DIP2B: variants seen among roughly 807,000 people sequenced by gnomAD.
DIP2B encodes the protein DIP2 acetate--CoA ligase B (putative).
Under a neutral mutation model 198.0 loss-of-function variants are expected in DIP2B, and 76 were observed. The ratio of observed to expected loss-of-function variants is 0.38; its 90% CI spans 0.32 to 0.46. DIP2B has a LOEUF of 0.46. DIP2B is among the 20% of genes least tolerant of loss of function. DIP2B has a pLI of 0.99. For missense variants in DIP2B, 1,559 were observed against 1,978.4 expected, an observed-to-expected ratio of 0.79 and a Z score of 4.02; for synonymous variants, 701 against 739.1, an observed-to-expected ratio of 0.95 and a Z score of 0.84.
intron 21 of DIP2B, among the ~76,000 whole-genome samples, chr12:50,707,024 A>T (rs780754116): frequency 5.3e-5 from 8 of 152,232 alleles, no homozygotes; most frequent in Non-Finnish European, 8.8e-5. Context: ...ACTGATATAG[A>T]TGCTACTCTG....
At chr12:50,627,129 T>C (rs1377680157) in intron 2 of DIP2B, among the ~76,000 whole-genome samples, 1 of 152,204 alleles carries the variant, frequency 6.6e-6, no homozygotes, top group Non-Finnish European at 1.5e-5. Context: ...AGGCATGACC[T>C]AGGGGTTGAG....
chr12:50,530,904 G>A (rs139227920), intron 1 of DIP2B, among the ~76,000 whole-genome samples: 223 of 152,252 alleles, frequency 1.5e-3, no homozygotes, highest in Non-Finnish European at 2.7e-3. Context: ...TTGGGGACAT[G>A]CAAATGGAGA....
chr12:50,741,366 T>C (rs990522642), intron 36 of DIP2B, 50 bp from the exon 37 acceptor site: 5 of 1,593,866 alleles, frequency 3.1e-6, no homozygotes, highest in Non-Finnish European at 3.4e-6. Context: ...AGTGTTATGT[T>C]GCACTCAGTA....
chr12:50,610,055 C>G (rs554880835), intron 1 of DIP2B, among the ~76,000 whole-genome samples: 6 of 152,268 alleles, frequency 3.9e-5, no homozygotes, highest in Admixed American at 2.0e-4. Context: ...AGCTATAACA[C>G]CTAAATATAA....
rs377697023 is a variant in DIP2B, at chr12:50,735,061, G to A, written c.4044-12G>A. The A allele has an allele frequency of 5.8e-4, 931 of 1,614,080 alleles. 10 individuals are homozygous for A. The South Asian group carries it at 9.1e-3, about 16-fold the overall frequency. ...AAAAGCCCTATATATAGTAAATACC[G>A]TTCTTCTGCAGGGTTCGTCTCGTGG... On this transcript the variant is annotated splice_polypyrimidine_tract_variant and intron_variant, in intron 33 of 37. Transcript: ENST00000301180.
At chr12:50,740,040 C>T (rs11169538) in intron 36 of DIP2B, among the ~76,000 whole-genome samples, 42,980 of 152,134 alleles carry the variant, frequency 0.28, 6,448 homozygotes, top group East Asian at 0.41. Flanking sequence ...TGGACACAGC[C>T]TGCTTCCTGG....
At chr12:50,561,673 T>C (rs899550994) in intron 1 of DIP2B, among the ~76,000 whole-genome samples, 1 of 152,218 alleles carries the variant, frequency 6.6e-6, no homozygotes, top group African/African-American at 2.4e-5. Flanking sequence ...AGTGGCATGA[T>C]CTCTGCTTAC....
intron 22 of DIP2B, among the ~76,000 whole-genome samples, chr12:50,713,929 G>C (rs1939664922): frequency 6.6e-6 from 1 of 151,996 alleles, no homozygotes; most frequent in Non-Finnish European, 1.5e-5. Flanking sequence ...TTAAAAAAAA[G>C]AAAAGAAAAA....
chr12:50,559,745 A>ACAC (rs1555184070), intron 1 of DIP2B, among the ~76,000 whole-genome samples: 3 of 150,984 alleles, frequency 2.0e-5, no homozygotes, highest in Admixed American at 1.3e-4. Flanking sequence ...ACACACACAC[A>ACAC]ATTTCTAGTA....
chr12:50,694,496 G>GATAA (rs1467096007), intron 14 of DIP2B, among the ~76,000 whole-genome samples: 3 of 141,192 alleles, frequency 2.1e-5, no homozygotes, highest in Non-Finnish European at 4.5e-5. Flanking sequence ...CTCTGTCTCA[G>GATAA]ATAAATAAAT....
At chr12:50,636,691 C>T (rs934189302) in intron 2 of DIP2B, among the ~76,000 whole-genome samples, 2 of 152,190 alleles carry the variant, frequency 1.3e-5, no homozygotes, top group Non-Finnish European at 2.9e-5. Flanking sequence ...GAGCCTGTTC[C>T]CTGCATCGGC....
At chr12:50,702,491 G>A (rs1939436639) in intron 19 of DIP2B, among the ~76,000 whole-genome samples, 1 of 152,012 alleles carries the variant, frequency 6.6e-6, no homozygotes, top group South Asian at 2.1e-4. Flanking sequence ...GAACCCGGGA[G>A]GCGGAGGTTG....
intron 29 of DIP2B, among the ~76,000 whole-genome samples, chr12:50,728,178 C>T (rs978109030): frequency 6.6e-6 from 1 of 152,094 alleles, no homozygotes; most frequent in African/African-American, 2.4e-5. Context: ...GTCAGGAGTT[C>T]GAGACCAGCC....
At chr12:50,647,274 T>TC (rs1057313158) in intron 3 of DIP2B, among the ~76,000 whole-genome samples, 11 of 151,508 alleles carry the variant, frequency 7.3e-5, no homozygotes, top group East Asian at 1.9e-4. Flanking sequence ...GGAGTTTTTC[T>TC]CCCCCCCGCC....
At chr12:50,524,681 G>C (rs1291529463) in intron 1 of DIP2B, among the ~76,000 whole-genome samples, 1 of 152,188 alleles carries the variant, frequency 6.6e-6, no homozygotes, top group African/African-American at 2.4e-5. Context: ...TCCCCTTAGG[G>C]GGCTTACATC....
At chr12:50,543,389 A>T (rs1312986448) in intron 1 of DIP2B, among the ~76,000 whole-genome samples, 1 of 151,986 alleles carries the variant, frequency 6.6e-6, no homozygotes, top group East Asian at 2.0e-4. Flanking sequence ...CCCCAGGTTC[A>T]AGCAATTCTC....
intron 3 of DIP2B, among the ~76,000 whole-genome samples, chr12:50,641,846 A>G (rs1159530488): frequency 6.6e-6 from 1 of 152,226 alleles, no homozygotes; most frequent in East Asian, 1.9e-4. Context: ...TAGTCTCTGC[A>G]GCACATTTCT....
intron 3 of DIP2B, chr12:50,657,044 G>A (rs1938566183): frequency 6.6e-6 from 1 of 151,786 alleles, no homozygotes; most frequent in Non-Finnish European, 1.5e-5. Flanking sequence ...CCTGAGCAAG[G>A]TGACACACAA....
intron 3 of DIP2B, among the ~76,000 whole-genome samples, chr12:50,646,862 T>A (rs538630773): frequency 7.2e-5 from 11 of 152,304 alleles, no homozygotes; most frequent in African/African-American, 2.4e-4. Flanking sequence ...GATCTGGTGA[T>A]GGCTGGCACT....
Sources: allele counts gnomAD v4.1 joint callset (sites outside exome capture counted in the v4.1 genomes callset), GRCh38; gene constraint gnomAD v4.1.1; transcripts MANE v1.5; gene names NCBI Gene and HGNC (gene_info 2026-07-23, HGNC 2026-07-21).